The following CACNB2 variants were observed in gnomAD, a reference collection of about 807,000 sequenced individuals.
CACNB2 encodes voltage-dependent L-type calcium channel subunit beta-2.
A neutral mutation model predicts 73.3 loss-of-function variants in CACNB2; 42 were observed. The ratio of observed to expected loss-of-function variants is 0.57; its 90% CI spans 0.45 to 0.74. The LOEUF is 0.74. Ranked by LOEUF, CACNB2 falls within the 30% of genes least tolerant of loss-of-function variation. The pLI, the probability that CACNB2 is intolerant of heterozygous loss-of-function variation, is 0.00. For missense variants in CACNB2, 940 were observed against 853.0 expected (o/e 1.10, Z -1.27); for synonymous variants, 348 against 310.3 (o/e 1.12, Z -1.28).
intron 3 of CACNB2, among the ~76,000 whole-genome samples, chr10:18,408,788 T>G (rs144682189): frequency 2.0e-5 from 3 of 152,294 alleles, no homozygotes; most frequent in East Asian, 3.9e-4. Context: ...GGGATGAGAT[T>G]ATGGACGCAA....
intron 3 of CACNB2, among the ~76,000 whole-genome samples, chr10:18,449,952 G>A (rs948062144): frequency 1.3e-5 from 2 of 152,218 alleles, no homozygotes; most frequent in African/African-American, 2.4e-5. Flanking sequence ...TGAAGGGCTG[G>A]AGCCCATTCT....
chr10:18,488,197 C>T (rs576357764), intron 3 of CACNB2, among the ~76,000 whole-genome samples: 6 of 151,468 alleles, frequency 4.0e-5, no homozygotes, highest in East Asian at 2.0e-4. Flanking sequence ...TGATTTGTGC[C>T]GGGAACTGTG....
chr10:18,335,945 G>A (rs1412160109), intron 2 of CACNB2, among the ~76,000 whole-genome samples: 1 of 151,856 alleles, frequency 6.6e-6, no homozygotes, highest in Non-Finnish European at 1.5e-5. Flanking sequence ...AGTTGCTTTG[G>A]TTACCCAAAA....
At chr10:18,538,519 C>A (rs997765479) in intron 13 of CACNB2, among the ~76,000 whole-genome samples, 154 bp downstream of exon 13, 1 of 152,088 alleles carries the variant, frequency 6.6e-6, no homozygotes, top group Non-Finnish European at 1.5e-5. Flanking sequence ...GTGTATGTAC[C>A]TGTAAGAAAA....
At chr10:18,415,893 C>A (rs1449017035) in intron 3 of CACNB2, among the ~76,000 whole-genome samples, 1 of 152,120 alleles carries the variant, frequency 6.6e-6, no homozygotes, top group African/African-American at 2.4e-5. Flanking sequence ...TTCCTTATCA[C>A]CCTGCCCTGC....
chr10:18,199,266 C>T (rs1195803739), intron 2 of CACNB2, among the ~76,000 whole-genome samples: 15 of 152,064 alleles, frequency 9.9e-5, no homozygotes, highest in Admixed American at 9.8e-4. Context: ...ATACCAAGTC[C>T]CTTCCATCAG....
At chr10:18,194,233 A>G (rs767374201) in intron 2 of CACNB2, among the ~76,000 whole-genome samples, 2 of 152,128 alleles carry the variant, frequency 1.3e-5, no homozygotes, top group Non-Finnish European at 2.9e-5. Flanking sequence ...ACTTTGCTCA[A>G]TACACTAAGA....
At chr10:18,423,223 A>T (rs1429887537) in intron 3 of CACNB2, among the ~76,000 whole-genome samples, 1 of 152,234 alleles carries the variant, frequency 6.6e-6, no homozygotes, top group Non-Finnish European at 1.5e-5. Context: ...TTATGTCTCC[A>T]TTCCCAGTGT....
rs188418811 is a variant in CACNB2, at chr10:18,317,830, C to A, written c.214-84094C>A. Among the ~76,000 whole-genome samples, 273 of 152,264 alleles carry A rather than the reference C, an allele frequency of 1.8e-3. 2 individuals are homozygous for A. Among genetic ancestry groups the A allele is most frequent in the Middle Eastern group, 0.01 (3 of 294 alleles). On this transcript the variant is annotated intron_variant, in intron 2 of 13. Coordinates refer to ENST00000324631, the MANE Select transcript of CACNB2 (RefSeq NM_201596.3). ...GTGCTCCTCTGTTCCAGCCATTGCT[C>A]TGGACATTGGGAAATCAGCTATGAA...
intron 2 of CACNB2, among the ~76,000 whole-genome samples, chr10:18,160,777 T>C (rs554976853): frequency 7.4e-4 from 112 of 152,296 alleles, no homozygotes; most frequent in African/African-American, 2.6e-3. Flanking sequence ...CACTTATAGA[T>C]GTAAATATAG....
chr10:18,502,610 G>T (rs564266826), intron 5 of CACNB2, among the ~76,000 whole-genome samples: 1 of 130,706 alleles, frequency 7.7e-6, no homozygotes, highest in South Asian at 2.7e-4. Context: ...GAATCACTTC[G>T]AACCCGGGAG....
chr10:18,155,000 A>G (rs1037036987), intron 2 of CACNB2, among the ~76,000 whole-genome samples: 4 of 152,208 alleles, frequency 2.6e-5, no homozygotes, highest in Admixed American at 2.0e-4. Context: ...AAGCAGACCA[A>G]TAGAGATTAA....
intron 3 of CACNB2, among the ~76,000 whole-genome samples, chr10:18,468,991 A>G (rs1167537737): frequency 6.6e-6 from 1 of 152,254 alleles, no homozygotes; most frequent in East Asian, 1.9e-4. Flanking sequence ...GTTGCTATGA[A>G]GAAGCAAATA....
chr10:18,258,354 C>G (rs2037372265), intron 2 of CACNB2, among the ~76,000 whole-genome samples: 8 of 152,142 alleles, frequency 5.3e-5, no homozygotes. Flanking sequence ...TCATCTTATT[C>G]TAACTTTAAG....
intron 2 of CACNB2, among the ~76,000 whole-genome samples, chr10:18,208,458 A>T (rs1274402133): frequency 6.6e-6 from 1 of 151,970 alleles, no homozygotes; most frequent in Non-Finnish European, 1.5e-5. Flanking sequence ...ACAAAAACTA[A>T]AAAATTAGTG....
intron 3 of CACNB2, among the ~76,000 whole-genome samples, chr10:18,459,250 A>G (rs2047439895): frequency 6.6e-6 from 1 of 152,212 alleles, no homozygotes; most frequent in Non-Finnish European, 1.5e-5. Context: ...TGTCCTAATG[A>G]CACTAGAAAC....
At chr10:18,427,925 A>G (rs1348972066) in intron 3 of CACNB2, among the ~76,000 whole-genome samples, 2 of 151,588 alleles carry the variant, frequency 1.3e-5, no homozygotes, top group African/African-American at 2.4e-5. Flanking sequence ...TTTCTTTTTC[A>G]TTTAAGTCAG....
intron 2 of CACNB2, among the ~76,000 whole-genome samples, chr10:18,266,014 C>T (rs1030112872): frequency 1.3e-5 from 2 of 152,146 alleles, no homozygotes; most frequent in African/African-American, 4.8e-5. Context: ...CACCTTTGAG[C>T]TTTTAGAGCA....
intron 2 of CACNB2, among the ~76,000 whole-genome samples, chr10:18,345,683 T>C (rs927925789): frequency 6.6e-6 from 1 of 152,230 alleles, no homozygotes; most frequent in Non-Finnish European, 1.5e-5. Flanking sequence ...AAATACTGTC[T>C]TTCATATAAA....
Sources: gnomAD v4.1 joint callset for allele counts (sites outside exome capture counted in the v4.1 genomes callset) on GRCh38, gnomAD v4.1.1 for gene constraint, MANE v1.5 for transcripts, NCBI Gene and HGNC (gene_info 2026-07-23, HGNC 2026-07-21) for gene names.